The following TSPAN5 variants were observed in gnomAD, a reference collection of about 807,000 sequenced individuals.
The protein encoded by TSPAN5 is tetraspanin-5.
In TSPAN5, 10 loss-of-function variants were observed where a neutral mutation model predicts 37.1. The observed-to-expected ratio is 0.27, with a 90% CI of 0.17 to 0.46. TSPAN5 has a LOEUF of 0.46. TSPAN5 is among the 20% of genes least tolerant of loss of function. The pLI, the probability that TSPAN5 is intolerant of heterozygous loss-of-function variation, is 1.00. For missense variants in TSPAN5, 195 were observed against 326.6 expected (o/e 0.60, Z 3.11); for synonymous variants, 110 against 118.9 (o/e 0.93, Z 0.48).
At chr4:98,631,480 T>G (rs1211860996) in intron 1 of TSPAN5, among the ~76,000 whole-genome samples, 1 of 152,138 alleles carries the variant, frequency 6.6e-6, no homozygotes, top group African/African-American at 2.4e-5. Flanking sequence ...CTCGATCTTT[T>G]TTTTTTGGCA....
chr4:98,484,435 G>T lies in TSPAN5; in HGVS notation c.280-2260C>A, dbSNP rs76245541. On this transcript the variant is annotated intron_variant, in intron 3 of 7. Coordinates refer to ENST00000305798, the MANE Select transcript of TSPAN5 (RefSeq NM_005723.4). ...AGATTATTCCAGGCAAGTTTTTATT[G>T]TTTGTCCTAAATGGAGAGAGGCCAT... The T allele has an allele frequency of 2.7e-3, 1,210 of 455,908 alleles. 5 individuals carry two copies. The highest frequency in any genetic ancestry group is 4.5e-3 in the Non-Finnish European group (1,030 of 226,894). 28.2% of individuals were successfully genotyped at this position (455,908 alleles called of 1,614,324 possible). A position where few individuals can be genotyped will look rare whatever the true frequency, so the allele number is the denominator to read the frequency against.
chr4:98,575,887 G>T (rs577301282), intron 1 of TSPAN5, among the ~76,000 whole-genome samples: 2 of 151,840 alleles, frequency 1.3e-5, no homozygotes, highest in East Asian at 1.9e-4. Context: ...TGGCCAACAT[G>T]GTGAAACCCC....
intron 1 of TSPAN5, among the ~76,000 whole-genome samples, chr4:98,648,655 T>C (rs1241961571): frequency 2.6e-5 from 4 of 152,202 alleles, no homozygotes; most frequent in South Asian, 2.1e-4. Flanking sequence ...AGGGATAAAA[T>C]AGGCCACCTT....
chr4:98,547,015 CTGA>C (rs2110149085), intron 1 of TSPAN5, among the ~76,000 whole-genome samples: 1 of 152,306 alleles, frequency 6.6e-6, no homozygotes, highest in African/African-American at 2.4e-5. Context: ...AGGCACACGG[CTGA>C]TGTGGAAACT....
chr4:98,549,680 T>C (rs763115144), intron 1 of TSPAN5, among the ~76,000 whole-genome samples: 1 of 152,166 alleles, frequency 6.6e-6, no homozygotes, highest in Non-Finnish European at 1.5e-5. Context: ...CTTGTATGTC[T>C]TCTTTTGAAA....
chr4:98,507,300 TGAA>T (rs1361861790), intron 2 of TSPAN5, among the ~76,000 whole-genome samples: 1 of 152,076 alleles, frequency 6.6e-6, no homozygotes, highest in Non-Finnish European at 1.5e-5. Context: ...TCCAAAGAGT[TGAA>T]GAAAAAAAGC....
At chr4:98,638,724 C>T (rs1384783416) in intron 1 of TSPAN5, among the ~76,000 whole-genome samples, 1 of 152,070 alleles carries the variant, frequency 6.6e-6, no homozygotes, top group African/African-American at 2.4e-5. Context: ...TTGATTTTAC[C>T]CTACTCGCAA....
chr4:98,641,970 T>G (rs1756968984), intron 1 of TSPAN5, among the ~76,000 whole-genome samples: 1 of 152,192 alleles, frequency 6.6e-6, no homozygotes, highest in Non-Finnish European at 1.5e-5. Context: ...CAGTGAGTAG[T>G]AAAAACTAGG....
intron 3 of TSPAN5, 87 bp downstream of exon 3, chr4:98,486,651 T>G: frequency 6.6e-7 from 1 of 1,505,606 alleles, no homozygotes; most frequent in South Asian, 1.1e-5. Flanking sequence ...TTGGTACAGC[T>G]CACTGTCTTG....
chr4:98,496,277 A>G (rs1239774277), intron 2 of TSPAN5: 6 of 152,302 alleles, frequency 3.9e-5, no homozygotes, highest in Admixed American at 3.9e-4. Flanking sequence ...CACTCTGTAA[A>G]ACTCCAAACA....
intron 1 of TSPAN5, among the ~76,000 whole-genome samples, chr4:98,536,943 T>C (rs939662335): frequency 6.6e-6 from 1 of 151,588 alleles, no homozygotes; most frequent in South Asian, 2.1e-4. Flanking sequence ...TCTGTGGGGG[T>C]GGGACCCGCC....
At chr4:98,646,148 T>C (rs1202054853) in intron 1 of TSPAN5, among the ~76,000 whole-genome samples, 1 of 151,584 alleles carries the variant, frequency 6.6e-6, no homozygotes, top group African/African-American at 2.4e-5. Context: ...CATTATGCCC[T>C]AGAGGAGAAG....
chr4:98,653,825 T>C (rs915727770), intron 1 of TSPAN5, among the ~76,000 whole-genome samples: 6 of 152,234 alleles, frequency 3.9e-5, no homozygotes, highest in Non-Finnish European at 8.8e-5. Context: ...CAGTAGACTA[T>C]ATTTTTCAAA....
At chr4:98,620,618 G>T (rs945771957) in intron 1 of TSPAN5, among the ~76,000 whole-genome samples, 1 of 152,148 alleles carries the variant, frequency 6.6e-6, no homozygotes, top group Non-Finnish European at 1.5e-5. Context: ...TCATGCGAGC[G>T]CTCTCCATGA....
intron 1 of TSPAN5, among the ~76,000 whole-genome samples, chr4:98,609,442 C>T (rs1327178709): frequency 6.6e-6 from 1 of 152,080 alleles, no homozygotes; most frequent in East Asian, 1.9e-4. Context: ...TTTTGCTGGT[C>T]CTCCTGGGTA....
intron 6 of TSPAN5, 52 bp from the exon 7 acceptor site, chr4:98,476,357 G>C: frequency 6.2e-7 from 1 of 1,613,280 alleles, no homozygotes; most frequent in Admixed American, 1.7e-5. Flanking sequence ...ACCAGGCACA[G>C]GCCAAAGCTC....
At chr4:98,487,469 C>T (rs1752996879) in intron 2 of TSPAN5, among the ~76,000 whole-genome samples, 1 of 152,188 alleles carries the variant, frequency 6.6e-6, no homozygotes, top group Non-Finnish European at 1.5e-5. Context: ...AGACAAATGC[C>T]TATTGCAAAG....
intron 1 of TSPAN5, among the ~76,000 whole-genome samples, chr4:98,522,243 A>G (rs17564998): frequency 0.21 from 32,285 of 152,180 alleles, 3,558 homozygotes; most frequent in South Asian, 0.25. Flanking sequence ...GTTAGAATTC[A>G]GAAAGCTTCT....
At chr4:98,491,227 A>C (rs1010300037) in intron 2 of TSPAN5, among the ~76,000 whole-genome samples, 10 of 152,206 alleles carry the variant, frequency 6.6e-5, no homozygotes, top group Non-Finnish European at 1.3e-4. Flanking sequence ...TTTCAAGAAT[A>C]TATTATTAGC....
Sources: gnomAD v4.1 joint callset for allele counts (sites outside exome capture counted in the v4.1 genomes callset) on GRCh38, gnomAD v4.1.1 for gene constraint, MANE v1.5 for transcripts, NCBI Gene and HGNC (gene_info 2026-07-23, HGNC 2026-07-21) for gene names.